DGKZ: variants seen among roughly 807,000 people sequenced by gnomAD.
The protein encoded by DGKZ is diacylglycerol kinase zeta.
In DGKZ, 45 loss-of-function variants were observed where a neutral mutation model predicts 142.5. The observed-to-expected ratio is 0.32, with a 90% CI of 0.25 to 0.40. The LOEUF (loss-of-function observed/expected upper bound fraction) is 0.40. DGKZ is among the 10% of genes least tolerant of loss of function. The pLI, the probability that DGKZ is intolerant of heterozygous loss-of-function variation, is 1.00. For synonymous variants in DGKZ, 442 were observed against 527.0 expected (o/e 0.84, Z 2.21); for missense variants, 755 against 1,306.5 (o/e 0.58, Z 6.51).
rs775241534 is a variant in DGKZ, at chr11:46,366,638, G to A, written c.162-653G>A. 2 of 1,604,272 alleles carry A rather than the reference G, an allele frequency of 1.2e-6. No individual in the cohort carries two copies. Among genetic ancestry groups the A allele is most frequent in the Admixed American group, 3.4e-5 (2 of 58,774 alleles). ...GGAGGGTGTCCAGGAGGATGTGGTA[G>A]CCGAGGCATCGAGCGCCATCCAGCC... On this transcript the variant is annotated intron_variant, in intron 1 of 30. Transcript: ENST00000527911.
At chr11:46,341,833 C>G (rs1459029776) in intron 1 of DGKZ, among the ~76,000 whole-genome samples, 1 of 152,100 alleles carries the variant, frequency 6.6e-6, no homozygotes, top group Non-Finnish European at 1.5e-5. Flanking sequence ...AGGGGAGGTT[C>G]ATTTAGCACC....
chr11:46,367,265 C>CT lies in DGKZ; in HGVS notation c.162-25dup. 2 of 1,595,760 alleles carry CT rather than the reference C, an allele frequency of 1.3e-6. No homozygotes were observed. The highest frequency in any genetic ancestry group is 1.7e-6 in the Non-Finnish European group (2 of 1,166,360). ...GTAGGGTCAGCAAGTGCTCAGCCCC[C>CT]TCCTCAGCTGTCTTCTCCTCTCTAG... On this transcript the variant is annotated intron_variant, in intron 1 of 30. Transcript: ENST00000527911. The surrounding 1 kb of genome is among the most constrained non-coding windows in gnomAD (Gnocchi z 4.1).
chr11:46,362,237 T>A (rs972556378), intron 1 of DGKZ, among the ~76,000 whole-genome samples: 1 of 152,182 alleles, frequency 6.6e-6, no homozygotes, highest in Admixed American at 6.5e-5. Context: ...GACGAGGCCC[T>A]GCCCAGGGTG....
At chr11:46,378,459 G>A (rs1205472067) in exon 27 of DGKZ, 2 of 1,603,172 alleles carry the variant, frequency 1.2e-6, no homozygotes, top group Non-Finnish European at 1.7e-6. Flanking sequence ...CCGTGCAGGT[G>A]AAGAGCTGAT....
At position 46,379,189 on chromosome 11, in the gene DGKZ, C is replaced by T. The variant is rs766954482; in HGVS notation, c.2540-14C>T. The T allele has an allele frequency of 6.2e-7, 1 of 1,612,932 alleles. No individual in the cohort carries two copies. ...GCTGCCAGGCCTCTCTGACCACCAC[C>T]TCCCCTTCTCCAGCCCCCCCAGAGA... On this transcript the variant is annotated splice_polypyrimidine_tract_variant and intron_variant, in intron 28 of 30. Coordinates refer to ENST00000527911, the Ensembl canonical transcript of DGKZ.
rs142847057 is a variant in DGKZ, at chr11:46,362,628, A to G, written c.162-4663A>G. 2.0e-3 allele frequency among the ~76,000 whole-genome samples: 307 copies of G among 152,290 alleles called. 1 individual carries two copies. The highest frequency in any genetic ancestry group is 6.7e-3 in the African/African-American group (277 of 41,550). ...AGGTGGTGTGAGCTCCATTTTGCAGATGAGAAAATTGAGGCTCAGAAAGGT... is the reference window on the plus strand; with the variant it reads ...AGGTGGTGTGAGCTCCATTTTGCAGGTGAGAAAATTGAGGCTCAGAAAGGT... On this transcript the variant is annotated intron_variant, in intron 1 of 30. Transcript: ENST00000527911.
rs373101944 is a variant in DGKZ at position 46,379,617 on chromosome 11, T to G, written c.2688+49T>G. ...CCCACGAGGGCACCAACCAAACCTT[T>G]CCCAAGGTCCTAGGCGGGAGCTGGG... is the stretch of plus-strand genomic sequence containing the variant. On this transcript the variant is annotated intron_variant, in intron 30 of 30. Transcript: ENST00000527911. 1.3e-5 allele frequency: 19 copies of G among 1,514,156 alleles called. No homozygotes were observed. In the East Asian group the frequency reaches 1.9e-4, roughly 15 times the overall value. The allele number at this position is 1,514,156 out of a possible 1,614,324, so 93.8% of individuals were successfully genotyped here.
Position 46,367,949 on chromosome 11 carries a change from C to G in DGKZ, c.367-53C>G. The G allele has an allele frequency of 6.2e-7, 1 of 1,600,442 alleles. No homozygotes were observed. The highest frequency in any genetic ancestry group is 8.6e-7 in the Non-Finnish European group (1 of 1,168,034). ...GGGCAGCTGTGCTGGGGCAGGCAGC[C>G]TCCGAGATAGACTTACCTGGTGCCT... On this transcript the variant is annotated intron_variant, in intron 3 of 30. Coordinates refer to ENST00000527911, the Ensembl canonical transcript of DGKZ. The surrounding 1 kb of genome is among the most constrained non-coding windows in gnomAD (Gnocchi z 4.1).
At chr11:46,370,088 G>T in intron 6 of DGKZ, 79 bp downstream of exon 6, 1 of 1,559,522 alleles carries the variant, frequency 6.4e-7, no homozygotes. Context: ...GTGGCCTGCC[G>T]ATCACTGACC....
At position 46,374,746 on chromosome 11, in the gene DGKZ, C is replaced by G. The variant is rs546986367; in HGVS notation, c.1525-20C>G. 2 of 1,612,344 alleles carry G rather than the reference C, an allele frequency of 1.2e-6. No individual in the cohort carries two copies. The highest frequency in any genetic ancestry group is 2.2e-5 in the South Asian group (2 of 90,858). ...GCCACCTGGCACATGCACCTCAACA[C>G]CCTCCCCGCCCGCCTCCAGTGTGAT... On this transcript the variant is annotated intron_variant, in intron 17 of 30. Transcript: ENST00000527911.
intron 4 of DGKZ, 141 bp from the exon 5 acceptor site, chr11:46,369,353 C>T (rs767115996): frequency 1.9e-5 from 17 of 905,242 alleles, no homozygotes; most frequent in East Asian, 5.1e-5. Flanking sequence ...GGAGGTGTCT[C>T]GTGTTTCAAG....
At chr11:46,352,492 C>T (rs967430523) in intron 1 of DGKZ, among the ~76,000 whole-genome samples, 4 of 152,204 alleles carry the variant, frequency 2.6e-5, no homozygotes, top group African/African-American at 7.2e-5. Flanking sequence ...CCACCCCTCC[C>T]GTCCCCTGAG....
chr11:46,341,126 C>T (rs1940257333), intron 1 of DGKZ, among the ~76,000 whole-genome samples: 1 of 152,212 alleles, frequency 6.6e-6, no homozygotes, highest in East Asian at 1.9e-4. Flanking sequence ...CCAGCCAGGG[C>T]AACAGAGCAA....
At position 46,372,691 on chromosome 11, in the gene DGKZ, A is replaced by T; in HGVS notation, c.1071+14A>T. ...GGCGACGGCACGGTGAGCTCCCCGC[A>T]TGGGCCAGCCGAGCACCAGGGCTGG... On this transcript the variant is annotated intron_variant, in intron 12 of 30. Coordinates refer to ENST00000527911, the Ensembl canonical transcript of DGKZ. This position sits in a 1 kb window ranked among gnomAD's most constrained non-coding sequence, Gnocchi z 5.9. 6.2e-7 allele frequency: 1 copy of T among 1,612,918 alleles called. No homozygotes were observed. Among genetic ancestry groups the T allele is most frequent in the Middle Eastern group, 1.6e-4 (1 of 6,062 alleles).
upstream of DGKZ, among the ~76,000 whole-genome samples, chr11:46,344,423 TTA>T (rs987065306): frequency 1.3e-5 from 2 of 152,014 alleles, no homozygotes; most frequent in African/African-American, 4.8e-5. Flanking sequence ...TATCTCTTCT[TTA>T]TTCCTCAGAT....
chr11:46,377,800 G>A (rs185780334), intron 25 of DGKZ: 21 of 285,678 alleles, frequency 7.4e-5, no homozygotes, highest in East Asian at 1.1e-4. Context: ...TTCTGTCATC[G>A]CTGCCTCCAA....
At position 46,367,336 on chromosome 11, in the gene DGKZ, G is replaced by A. The variant is rs758278027; in HGVS notation, c.207G>A (p.Pro69=). The change falls in exon 2 of 31, where the codon CCG becomes CCA. Residue 69 remains proline, a synonymous_variant. Transcript: ENST00000527911. This position sits in a 1 kb window ranked among gnomAD's most constrained non-coding sequence, Gnocchi z 4.1. ...GCCTCCAGCACCTGGCCCCCCCTCCGCCCACCCCTGGGGCCCCGTGCAGCG... is the reference window on the plus strand; with the variant it reads ...GCCTCCAGCACCTGGCCCCCCCTCCACCCACCCCTGGGGCCCCGTGCAGCG... 1.2e-6 allele frequency: 2 copies of A among 1,612,902 alleles called. No individual in the cohort carries two copies. Among genetic ancestry groups the A allele is most frequent in the African/African-American group, 1.3e-5 (1 of 75,000 alleles).
rs1238048298 is a variant in DGKZ, at chr11:46,375,839, C to T, written c.1911-12C>T. On this transcript the variant is annotated splice_polypyrimidine_tract_variant and intron_variant, in intron 20 of 30. Coordinates refer to ENST00000527911, the Ensembl canonical transcript of DGKZ. ...CCTTGCTGAGCCCCCGCTTGCCGGC[C>T]CTGCCCGACAGCCAGCAGCCGGTGC... The T allele has an allele frequency of 2.6e-6, 4 of 1,553,032 alleles. No homozygotes were observed. The highest frequency in any genetic ancestry group is 4.9e-5 in the East Asian group (2 of 41,134).
intron 1 of DGKZ, among the ~76,000 whole-genome samples, chr11:46,339,068 C>T (rs983577431): frequency 5.3e-5 from 8 of 152,162 alleles, no homozygotes; most frequent in African/African-American, 1.7e-4. Flanking sequence ...TCCCAGCCTA[C>T]GGTCCTCCCC....
Sources: gnomAD v4.1 joint callset for allele counts (sites outside exome capture counted in the v4.1 genomes callset) on GRCh38, gnomAD v4.1.1 for gene constraint, Gnocchi (gnomAD v3.1) non-coding constraint, MANE v1.5 for transcripts, NCBI Gene and HGNC (gene_info 2026-07-23, HGNC 2026-07-21) for gene names.